FAM13A: variants seen among roughly 807,000 people sequenced by gnomAD.
FAM13A encodes protein FAM13A.
In FAM13A, 76 loss-of-function variants were observed where a neutral mutation model predicts 129.6. That is an observed-to-expected ratio of 0.59 (90% CI 0.49 to 0.71). FAM13A has a LOEUF of 0.71. Ranked by LOEUF, FAM13A falls within the 30% of genes least tolerant of loss-of-function variation. FAM13A has a pLI of 0.00. For synonymous variants in FAM13A, 443 were observed against 449.9 expected (o/e 0.98, Z 0.20); for missense variants, 1,108 against 1,249.3 (o/e 0.89, Z 1.70).
intron 7 of FAM13A, among the ~76,000 whole-genome samples, chr4:88,826,046 A>T (rs141811600): frequency 1.1e-4 from 17 of 152,220 alleles, no homozygotes; most frequent in Middle Eastern, 3.4e-3. Context: ...TTCTATTTCT[A>T]ACATCCTCTT....
chr4:88,867,891 G>A (rs1740722654), intron 6 of FAM13A, among the ~76,000 whole-genome samples: 1 of 152,124 alleles, frequency 6.6e-6, no homozygotes, highest in Non-Finnish European at 1.5e-5. Flanking sequence ...GAAAAGTGGT[G>A]GCTCAAAGGG....
At chr4:88,735,786 A>G (rs1365745960) in intron 21 of FAM13A, among the ~76,000 whole-genome samples, 1 of 152,236 alleles carries the variant, frequency 6.6e-6, no homozygotes, top group Non-Finnish European at 1.5e-5. Context: ...CAAAGTAGTC[A>G]TTGCAAAATT....
At chr4:88,763,211 C>T (rs893726494) in intron 13 of FAM13A, among the ~76,000 whole-genome samples, 2 of 152,170 alleles carry the variant, frequency 1.3e-5, no homozygotes, top group African/African-American at 4.8e-5. Flanking sequence ...AAAACGTGTA[C>T]AAAACAGCCT....
intron 6 of FAM13A, among the ~76,000 whole-genome samples, chr4:88,875,913 T>C (rs979720118): frequency 6.6e-6 from 1 of 152,170 alleles, no homozygotes; most frequent in African/African-American, 2.4e-5. Flanking sequence ...AATGATAGAC[T>C]GGATTAAGAA....
At chr4:88,955,539 T>C (rs191584985) in intron 4 of FAM13A, among the ~76,000 whole-genome samples, 12 of 152,274 alleles carry the variant, frequency 7.9e-5, no homozygotes, top group Admixed American at 6.5e-4. Flanking sequence ...AATGTGACTT[T>C]GGAATTGGTA....
At chr4:88,825,236 G>GA (rs1732775081) in intron 7 of FAM13A, among the ~76,000 whole-genome samples, 1 of 146,738 alleles carries the variant, frequency 6.8e-6, no homozygotes, top group Non-Finnish European at 1.5e-5. Flanking sequence ...TTGGGGGGGG[G>GA]ATGGAATCTT....
chr4:88,862,291 T>C (rs1354523907), intron 6 of FAM13A, among the ~76,000 whole-genome samples: 1 of 152,160 alleles, frequency 6.6e-6, no homozygotes, highest in African/African-American at 2.4e-5. Flanking sequence ...GGCACACAAC[T>C]AATTCTGACG....
At chr4:88,939,887 T>C (rs1396240022) in intron 4 of FAM13A, among the ~76,000 whole-genome samples, 2 of 152,152 alleles carry the variant, frequency 1.3e-5, no homozygotes, top group African/African-American at 2.4e-5. Flanking sequence ...AGAAATGAAC[T>C]CTGCCAACAA....
chr4:88,972,760 T>C (rs2869969), intron 4 of FAM13A, among the ~76,000 whole-genome samples: 106,204 of 151,904 alleles, frequency 0.7, 37,292 homozygotes, highest in Middle Eastern at 0.81. Context: ...GTGTGCACCA[T>C]CACACCTGGC....
At chr4:88,826,642 T>C (rs1372292527) in intron 7 of FAM13A, among the ~76,000 whole-genome samples, 1 of 152,184 alleles carries the variant, frequency 6.6e-6, no homozygotes, top group South Asian at 2.1e-4. Flanking sequence ...CACCTGCCAA[T>C]TGACTGAGAA....
intron 7 of FAM13A, among the ~76,000 whole-genome samples, chr4:88,825,881 T>A (rs1042325558): frequency 1.3e-5 from 2 of 152,156 alleles, no homozygotes; most frequent in Non-Finnish European, 2.9e-5. Flanking sequence ...CTTTTTCCAG[T>A]CTCCATCATT....
chr4:88,860,340 C>T (rs1220483199), intron 6 of FAM13A, among the ~76,000 whole-genome samples: 1 of 152,180 alleles, frequency 6.6e-6, no homozygotes, highest in Non-Finnish European at 1.5e-5. Flanking sequence ...TGAGAATACT[C>T]AGGATTCTGT....
At chr4:88,908,195 G>C (rs1748475552) in intron 5 of FAM13A, among the ~76,000 whole-genome samples, 1 of 152,224 alleles carries the variant, frequency 6.6e-6, no homozygotes, top group South Asian at 2.1e-4. Flanking sequence ...GCACCTGCTG[G>C]TGGTAAGCTG....
At chr4:88,891,928 G>A (rs1745384042) in intron 6 of FAM13A, among the ~76,000 whole-genome samples, 2 of 152,132 alleles carry the variant, frequency 1.3e-5, no homozygotes, top group South Asian at 4.1e-4. Flanking sequence ...TGTAATCCCA[G>A]CACTTTGGGA....
chr4:88,845,752 C>T (rs187459875), intron 7 of FAM13A, among the ~76,000 whole-genome samples: 105 of 152,130 alleles, frequency 6.9e-4, no homozygotes, highest in African/African-American at 2.3e-3. Context: ...GGAACTTTAG[C>T]CATCAGTGAT....
chr4:88,950,651 T>C (rs1352363882), intron 4 of FAM13A, among the ~76,000 whole-genome samples: 1 of 152,206 alleles, frequency 6.6e-6, no homozygotes, highest in Non-Finnish European at 1.5e-5. Context: ...GTGACAGTGT[T>C]AGCATCTTGA....
intron 1 of FAM13A, among the ~76,000 whole-genome samples, chr4:89,039,295 T>C (rs1321564000): frequency 6.6e-6 from 1 of 152,206 alleles, no homozygotes; most frequent in Non-Finnish European, 1.5e-5. Flanking sequence ...AACCTTCAAA[T>C]GTAATATATG....
In FAM13A at chr4:88,857,354, G is replaced by A. The variant is rs1738694255; in HGVS notation, c.844-6171C>T. Among the ~76,000 whole-genome samples the A allele has an allele frequency of 2.0e-5, 3 of 152,152 alleles. No homozygotes were observed. The South Asian group carries it at 6.2e-4, about 31-fold the overall frequency. ...CAAAAGGTTTATGTTGAGGCCAAGT[G>A]TGGTGGCTCACCCCTGTAATCCCAG... On this transcript the variant is annotated intron_variant, in intron 6 of 23. Transcript: ENST00000264344.
chr4:88,947,578 T>C (rs1196052070), intron 4 of FAM13A, among the ~76,000 whole-genome samples: 4 of 152,180 alleles, frequency 2.6e-5, no homozygotes, highest in East Asian at 3.8e-4. Context: ...TCTGTTCTGA[T>C]CTTTAACCTA....
Sources: allele counts gnomAD v4.1 joint callset (sites outside exome capture counted in the v4.1 genomes callset), GRCh38; gene constraint gnomAD v4.1.1; transcripts MANE v1.5; gene names NCBI Gene and HGNC (gene_info 2026-07-23, HGNC 2026-07-21).